Variants in MAP1A observed in about 807,000 individuals in gnomAD.
MAP1A encodes the protein microtubule-associated protein 1A.
In MAP1A, 42 loss-of-function variants were observed where a neutral mutation model predicts 185.9. The ratio of observed to expected loss-of-function variants is 0.23; its 90% CI spans 0.18 to 0.29. The LOEUF (loss-of-function observed/expected upper bound fraction) is 0.29, where lower values mean the gene tolerates loss of function less well. Among genes scored for constraint, MAP1A ranks in the 10% least tolerant of loss-of-function variants. The pLI is 1.00. For missense variants in MAP1A, 2,995 were observed against 3,450.4 expected, an observed-to-expected ratio of 0.87 and a Z score of 3.31; for synonymous variants, 1,229 against 1,335.9, an observed-to-expected ratio of 0.92 and a Z score of 1.74.
rs2140211419 is a variant in MAP1A at position 43,529,123 on chromosome 15, TACTC to T, written c.7653_7656del (p.His2552ThrfsTer40). 6.2e-7 allele frequency: 1 copy of T among 1,613,386 alleles called. No homozygotes were observed. Among genetic ancestry groups the T allele is most frequent in the Non-Finnish European group, 8.5e-7 (1 of 1,179,892 alleles). On this transcript the variant is annotated frameshift_variant, in exon 4 of 6. Coordinates refer to ENST00000300231, the MANE Select transcript of MAP1A (RefSeq NM_002373.6). LOFTEE classifies it high-confidence loss of function. This position sits in a 1 kb window ranked among gnomAD's most constrained non-coding sequence, Gnocchi z 4.3. ...TGGACAAAGCTGGGGGTGTCAGTGG[TACTC>T]ACCACCCCAGGCCTGGCCATGACCC...
chr15:43,524,396 C>T lies in MAP1A; in HGVS notation c.2923C>T (p.Pro975Ser). Reference sequence around the variant, plus strand: ...TGGGCATGCCCTACATCCAGGAGAACCAGCCCTTGGAGAAGCAGAGGAGCG... The same window carrying T: ...TGGGCATGCCCTACATCCAGGAGAATCAGCCCTTGGAGAAGCAGAGGAGCG... ...APGHALHPGE[P>S]ALGEAEERCL... is the part of the protein sequence containing the mutation. The change falls in exon 4 of 6, where the codon CCA becomes TCA. Residue 975 changes from proline (P) to serine (S), a missense_variant. Physicochemically the swap from Pro to Ser is moderately conservative, Grantham distance 74. This residue lies in a region of MAP1A where 2,728 missense variants were observed against 2,986.0 expected (regional missense o/e 0.91). Coordinates refer to ENST00000300231, the MANE Select transcript of MAP1A (RefSeq NM_002373.6). 6.2e-7 allele frequency: 1 copy of T among 1,614,206 alleles called. No individual in the cohort carries two copies. The highest frequency in any genetic ancestry group is 8.5e-7 in the Non-Finnish European group (1 of 1,180,026).
chr15:43,525,603 A>G lies in MAP1A; in HGVS notation c.4130A>G (p.Lys1377Arg), dbSNP rs978822525. ...LQQKDKTLEH[K>R]EVVEPKDTAI... ...CAGAAAGACAAAACTCTGGAGCACA[A>G]GGAGGTGGTAGAGCCGAAGGATACA... The change falls in exon 4 of 6, where the codon AAG becomes AGG. Residue 1377 changes from lysine (K) to arginine (R), a missense_variant. By Grantham distance (26) the Lys-to-Arg change is conservative. Coordinates refer to ENST00000300231, the MANE Select transcript of MAP1A (RefSeq NM_002373.6). 1.9e-6 allele frequency: 3 copies of G among 1,614,172 alleles called. No homozygotes were observed. The highest frequency in any genetic ancestry group is 2.5e-6 in the Non-Finnish European group (3 of 1,180,040).
At chr15:43,516,163 A>G (rs2140201665), upstream of MAP1A, among the ~76,000 whole-genome samples, 1 of 152,244 alleles carries the variant, frequency 6.6e-6, no homozygotes, top group Middle Eastern at 3.4e-3. Flanking sequence ...CCCTTTTGTG[A>G]TGCTCAGAAC....
Position 43,530,263 on chromosome 15 carries a change from G to C in MAP1A, c.*39G>C. 1.2e-6 allele frequency: 2 copies of C among 1,610,298 alleles called. No individual in the cohort carries two copies. Among genetic ancestry groups the C allele is most frequent in the Non-Finnish European group, 8.5e-7 (1 of 1,178,004 alleles). Reference sequence around the variant, plus strand: ...CCTTCCCCAAGGATCCACTCCCCCAGCTCCTTTAGAGAATGGCTACTGCTG... The same window carrying C: ...CCTTCCCCAAGGATCCACTCCCCCACCTCCTTTAGAGAATGGCTACTGCTG... On this transcript the variant is annotated 3_prime_UTR_variant, in exon 6 of 6. Transcript: ENST00000300231.
At position 43,522,570 on chromosome 15, in the gene MAP1A, C is replaced by T. The variant is rs746838428; in HGVS notation, c.1097C>T (p.Ser366Leu). 6.2e-7 allele frequency: 1 copy of T among 1,611,094 alleles called. No individual in the cohort carries two copies. The highest frequency in any genetic ancestry group is 1.7e-5 in the Admixed American group (1 of 59,474). ...AAGACAGAGAAGAAGGCAAAAGAGT[C>T]ATCTGAGAAGCCCCCAGAGAAGCCT... ...LAKTEKKAKE[S>L]SEKPPEKPAK... is the part of the protein sequence containing the mutation. Residue 366 changes from serine to leucine, a missense_variant, in exon 4 of 6, where the codon TCA becomes TTA. Physicochemically the swap from Ser to Leu is moderately radical, Grantham distance 145. Transcript: ENST00000300231. The surrounding 1 kb of genome is among the most constrained non-coding windows in gnomAD (Gnocchi z 5.9).
rs756499679 is a variant in MAP1A at position 43,527,646 on chromosome 15, C to A, written c.6173C>A (p.Thr2058Asn). The A allele has an allele frequency of 1.2e-6, 2 of 1,613,822 alleles. No homozygotes were observed. The highest frequency in any genetic ancestry group is 1.7e-6 in the Non-Finnish European group (2 of 1,179,892). Residue 2058 changes from threonine to asparagine, a missense_variant, in exon 4 of 6, where the codon ACC (threonine) becomes AAC (asparagine). Transcript: ENST00000300231. The part of the protein sequence containing the change: ...EPGPSMEPSL[T>N]PPAVPPRAPI... Reference sequence around the variant, plus strand: ...GGGCCAAGTATGGAGCCCAGCCTCACCCCACCTGCAGTTCCCCCCCGTGCT... The same window carrying A: ...GGGCCAAGTATGGAGCCCAGCCTCAACCCACCTGCAGTTCCCCCCCGTGCT...
exon 1 of MAP1A, chr15:43,511,181 G>T: frequency 6.4e-7 from 1 of 1,550,566 alleles, no homozygotes; most frequent in Non-Finnish European, 8.7e-7. Flanking sequence ...CGGCGATATC[G>T]GTACAGAGAG....
In MAP1A at chr15:43,527,860, C is replaced by A; in HGVS notation, c.6387C>A (p.His2129Gln). Residue 2129 changes from histidine (H) to glutamine (Q), a missense_variant, in exon 4 of 6, where the codon CAC (histidine) becomes CAA (glutamine). Around this residue, in one of 3 missense-constraint regions of MAP1A, gnomAD observed 2,728 missense variants for 2,986.0 expected, o/e 0.91. Transcript: ENST00000300231. ...EKEAQSPSPP[H>Q]PIPMGSPTLW... ...AGGCCCAATCCCCAAGTCCTCCTCACCCCATTCCTATGGGGTCCCCCACAT... is the reference window on the plus strand; with the variant it reads ...AGGCCCAATCCCCAAGTCCTCCTCAACCCATTCCTATGGGGTCCCCCACAT... The A allele has an allele frequency of 6.2e-7, 1 of 1,614,190 alleles. No individual in the cohort carries two copies.
chr15:43,525,112 T>A lies in MAP1A; in HGVS notation c.3639T>A (p.Ser1213=), dbSNP rs746688692. Residue 1213 remains serine (S), a synonymous_variant, in exon 4 of 6, where the codon TCT becomes TCA. Transcript: ENST00000300231. ...GCAAGGAGACCTCCCTGGATGTCTC[T>A]TCTAAGCAGCTCTCTCCAGAAAGCC... ...SPSKETSLDV[S]SKQLSPESLG... 1.9e-6 allele frequency: 3 copies of A among 1,614,220 alleles called. No individual in the cohort carries two copies. Among genetic ancestry groups the A allele is most frequent in the Non-Finnish European group, 2.5e-6 (3 of 1,180,042 alleles).
In MAP1A at chr15:43,528,822, C is replaced by G; in HGVS notation, c.7349C>G (p.Pro2450Arg). 1 of 1,613,614 alleles carries G rather than the reference C, an allele frequency of 6.2e-7. No individual in the cohort carries two copies. Among genetic ancestry groups the G allele is most frequent in the African/African-American group, 1.3e-5 (1 of 75,050 alleles). Residue 2450 changes from proline (P) to arginine (R), a missense_variant, in exon 4 of 6, where the codon CCA (proline) becomes CGA (arginine). Physicochemically the swap from Pro to Arg is moderately radical, Grantham distance 103 (BLOSUM62 -2). Coordinates refer to ENST00000300231, the MANE Select transcript of MAP1A (RefSeq NM_002373.6). ...EPRPHRGELSPSFLNPPLPPS... is the reference protein window; with the variant it reads ...EPRPHRGELSRSFLNPPLPPS... ...CGGCCCCATCGTGGGGAGCTCTCCC[C>G]ATCCTTCCTGAACCCACCTCTGCCC...
upstream of MAP1A, among the ~76,000 whole-genome samples, chr15:43,514,924 A>G (rs1278990925): frequency 6.6e-6 from 1 of 152,224 alleles, no homozygotes; most frequent in Non-Finnish European, 1.5e-5. Context: ...TAAGACTCTA[A>G]AAAACACAGG....
Position 43,527,159 on chromosome 15 carries a change from G to A in MAP1A, c.5686G>A (p.Glu1896Lys). 6.2e-7 allele frequency: 1 copy of A among 1,613,540 alleles called. No homozygotes were observed. The highest frequency in any genetic ancestry group is 8.5e-7 in the Non-Finnish European group (1 of 1,179,840). The change falls in exon 4 of 6, where the codon GAG becomes AAG. Residue 1896 changes from glutamate (E) to lysine (K), a missense_variant. Physicochemically the swap from Glu to Lys is moderately conservative, Grantham distance 56. This residue lies in a region of MAP1A where 2,728 missense variants were observed against 2,986.0 expected (regional missense o/e 0.91). Transcript: ENST00000300231. ...GGCTGCAGTGCAGGAGGGGGCAGCTGAGTTGGAAGGTGGGCCATACTCCCC... is the reference window on the plus strand; with the variant it reads ...GGCTGCAGTGCAGGAGGGGGCAGCTAAGTTGGAAGGTGGGCCATACTCCCC... ...VVAAVQEGAA[E>K]LEGGPYSPLG...
Position 43,529,237 on chromosome 15 carries a change from G to T in MAP1A, c.7764G>T (p.Glu2588Asp). The T allele has an allele frequency of 6.2e-7, 1 of 1,612,856 alleles. No homozygotes were observed. Among genetic ancestry groups the T allele is most frequent in the South Asian group, 1.1e-5 (1 of 91,004 alleles). The change falls in exon 4 of 6, where the codon GAG (glutamate) becomes GAT (aspartate). Residue 2588 changes from glutamate (E) to aspartate (D), a missense_variant. Transcript: ENST00000300231. This position sits in a 1 kb window ranked among gnomAD's most constrained non-coding sequence, Gnocchi z 4.3. The part of the protein sequence containing the change: ...CMADPEGLSS[E>D]SGRVERLREK... Reference sequence around the variant, plus strand: ...CTGACCCCGAGGGGCTCAGCTCAGAGTCTGGGAGAGTAGAGAGGCTACGGG... The same window carrying T: ...CTGACCCCGAGGGGCTCAGCTCAGATTCTGGGAGAGTAGAGAGGCTACGGG...
Position 43,527,909 on chromosome 15 carries a change from G to A in MAP1A, c.6436G>A (p.Val2146Ile). Residue 2146 changes from valine (V) to isoleucine (I), a missense_variant, in exon 4 of 6, where the codon GTT becomes ATT. Val to Ile is a conservative substitution (Grantham distance 29, BLOSUM62 3). Coordinates refer to ENST00000300231, the MANE Select transcript of MAP1A (RefSeq NM_002373.6). Reference sequence around the variant, plus strand: ...ATTATGGCCAGAAACTGAGGCACATGTTAGCCCTCCCTTGGACTCACACCT... The same window carrying A: ...ATTATGGCCAGAAACTGAGGCACATATTAGCCCTCCCTTGGACTCACACCT... The part of the protein sequence containing the change: ...PTLWPETEAH[V>I]SPPLDSHLGP... The A allele has an allele frequency of 6.2e-7, 1 of 1,614,140 alleles. No individual in the cohort carries two copies. The highest frequency in any genetic ancestry group is 8.5e-7 in the Non-Finnish European group (1 of 1,180,018).
rs1444141680 is a variant in MAP1A, at chr15:43,528,182, A to G, written c.6709A>G (p.Ser2237Gly). 1.9e-6 allele frequency: 3 copies of G among 1,614,062 alleles called. No homozygotes were observed. Among genetic ancestry groups the G allele is most frequent in the Non-Finnish European group, 2.5e-6 (3 of 1,179,996 alleles). The change falls in exon 4 of 6, where the codon AGT (serine) becomes GGT (glycine). Residue 2237 changes from serine (S) to glycine (G), a missense_variant. By Grantham distance (56) the Ser-to-Gly change is moderately conservative. Coordinates refer to ENST00000300231, the MANE Select transcript of MAP1A (RefSeq NM_002373.6). ...CTCACTGCCCCAGCTCCCATCACCC[A>G]GTTCTCCTGGGGCCCCTCTCCTCTC... ...DSSLPQLPSP[S>G]SPGAPLLSNL...
At chr15:43,517,102 G>A (rs1447753941), upstream of MAP1A, among the ~76,000 whole-genome samples, 2 of 152,146 alleles carry the variant, frequency 1.3e-5, no homozygotes, top group Non-Finnish European at 2.9e-5. Flanking sequence ...CTGTAGTGCT[G>A]AGGTTCAGAA....
intron 1 of MAP1A, among the ~76,000 whole-genome samples, chr15:43,520,342 C>G (rs1425925864): frequency 6.6e-6 from 1 of 152,090 alleles, no homozygotes; most frequent in Non-Finnish European, 1.5e-5. Context: ...AGCTTCTTGT[C>G]AATAGGGCAG....
Position 43,511,016 on chromosome 15 carries a change from C to T in MAP1A, c.28C>T (p.Pro10Ser), listed in dbSNP as rs776518118. 17 of 1,547,056 alleles carry T rather than the reference C, an allele frequency of 1.1e-5. No homozygotes were observed. The South Asian group carries it at 2.0e-4, about 18-fold the overall frequency. ...GGAGACCGAGGCCGAGCCTGCGCGG[C>T]CTCACGGCGTTGCCATGGAGACAAC... Residue 10 changes from proline to serine, a missense_variant, in exon 1 of 7, where the codon CCT becomes TCT. Transcript: ENST00000382031.
chr15:43,528,734 G>A lies in MAP1A; in HGVS notation c.7261G>A (p.Gly2421Ser), dbSNP rs781067553. Residue 2421 changes from glycine to serine, a missense_variant, in exon 4 of 6, where the codon GGC becomes AGC. Gly to Ser is a moderately conservative substitution (Grantham distance 56). This residue lies in a region of MAP1A where 2,728 missense variants were observed against 2,986.0 expected (regional missense o/e 0.91). Coordinates refer to ENST00000300231, the MANE Select transcript of MAP1A (RefSeq NM_002373.6). ...QPVCPAGGSGGPPSSASPEVE... is the reference protein window; with the variant it reads ...QPVCPAGGSGSPPSSASPEVE... ...AGTGTGTCCTGCAGGGGGCTCCGGG[G>A]GCCCACCCAGCAGTGCCTCTCCTGA... 19 of 1,613,010 alleles carry A rather than the reference G, an allele frequency of 1.2e-5. No homozygotes were observed. The highest frequency in any genetic ancestry group is 6.7e-5 in the Admixed American group (4 of 59,954).
Sources: gnomAD v4.1 joint callset for allele counts (sites outside exome capture counted in the v4.1 genomes callset) on GRCh38, gnomAD v4.1.1 for gene constraint, gnomAD v4.1.1 regional missense constraint, Gnocchi (gnomAD v3.1) non-coding constraint, MANE v1.5 for transcripts, NCBI Gene and HGNC (gene_info 2026-07-23, HGNC 2026-07-21) for gene names.